Variants in NAV3 observed in about 807,000 individuals in gnomAD.
NAV3 encodes pore membrane and/or filament interacting like protein 1.
In NAV3, 87 loss-of-function variants were observed where a neutral mutation model predicts 244.7. The observed-to-expected ratio is 0.36, with a 90% CI of 0.30 to 0.42. NAV3 has a LOEUF of 0.42. Among genes scored for constraint, NAV3 ranks in the 20% least tolerant of loss-of-function variants. NAV3 has a pLI of 1.00. For missense variants in NAV3, 2,663 were observed against 2,893.3 expected (o/e 0.92, Z 1.83); for synonymous variants, 1,126 against 1,042.2 (o/e 1.08, Z -1.55).
chr12:77,875,924 A>G (rs1276521606), intron 1 of NAV3, among the ~76,000 whole-genome samples: 1 of 152,068 alleles, frequency 6.6e-6, no homozygotes, highest in Non-Finnish European at 1.5e-5. Context: ...AGAAAAATAC[A>G]GCATTTTCAG....
intron 2 of NAV3, among the ~76,000 whole-genome samples, chr12:77,724,011 A>C (rs557709089): frequency 6.6e-6 from 1 of 151,970 alleles, no homozygotes; most frequent in East Asian, 1.9e-4. Flanking sequence ...AATGCCAAAT[A>C]AATTATTACT....
intron 2 of NAV3, among the ~76,000 whole-genome samples, chr12:77,787,075 C>T (rs568405974): frequency 7.2e-5 from 11 of 151,990 alleles, no homozygotes; most frequent in Non-Finnish European, 1.6e-4. Flanking sequence ...GGATAAATGC[C>T]ATGACAGCTG....
At chr12:77,792,349 CT>C (rs1047586957) in intron 2 of NAV3, among the ~76,000 whole-genome samples, 9 of 152,062 alleles carry the variant, frequency 5.9e-5, no homozygotes, top group African/African-American at 2.2e-4. Context: ...AATCCTAAGC[CT>C]TTTTAAAGGT....
intron 2 of NAV3, among the ~76,000 whole-genome samples, chr12:77,587,604 AG>A (rs1272178471): frequency 1.3e-5 from 2 of 152,238 alleles, no homozygotes; most frequent in Non-Finnish European, 2.9e-5. Flanking sequence ...TATATATTAT[AG>A]AAGTTCATTT....
At chr12:77,989,506 A>G (rs558285146) in intron 5 of NAV3, among the ~76,000 whole-genome samples, 98 of 152,302 alleles carry the variant, frequency 6.4e-4, no homozygotes, top group African/African-American at 2.3e-3. Flanking sequence ...TCTTCCAAGG[A>G]GTCCAAGTTC....
intron 7 of NAV3, 112 bp downstream of exon 7, chr12:77,998,588 T>A: frequency 1.7e-6 from 2 of 1,163,534 alleles, no homozygotes; most frequent in Non-Finnish European, 2.3e-6. Context: ...ATGTTATCAG[T>A]GGAGTTTCTT....
chr12:77,703,903 G>A (rs577525265), intron 2 of NAV3, among the ~76,000 whole-genome samples: 4 of 152,248 alleles, frequency 2.6e-5, no homozygotes, highest in Admixed American at 2.0e-4. Context: ...ACCACTGATT[G>A]TGTTTTTAAT....
In NAV3 at chr12:78,199,326, T is replaced by G; in HGVS notation, c.6519-9T>G. On this transcript the variant is annotated splice_polypyrimidine_tract_variant and intron_variant, in intron 36 of 39. Coordinates refer to ENST00000397909, the MANE Select transcript of NAV3 (RefSeq NM_001024383.2). ...ATATAAAAATGTCTGATTTTTTTTC[T>G]TTTTGTAGGTGGGTATTATGTGCAA... The G allele has an allele frequency of 6.4e-7, 1 of 1,573,054 alleles. No individual in the cohort carries two copies.
At chr12:78,193,364 C>T (rs1390795795) in intron 34 of NAV3, among the ~76,000 whole-genome samples, 1 of 152,158 alleles carries the variant, frequency 6.6e-6, no homozygotes, top group Non-Finnish European at 1.5e-5. Flanking sequence ...GTAGAGAATA[C>T]ATGGTCAGCT....
intron 1 of NAV3, among the ~76,000 whole-genome samples, chr12:77,839,308 A>T (rs1274385603): frequency 6.6e-6 from 1 of 152,206 alleles, no homozygotes; most frequent in East Asian, 1.9e-4. Flanking sequence ...CAACAATAAT[A>T]ATTTTCTTCA....
At chr12:77,661,916 GCA>G (rs781309245) in intron 2 of NAV3, among the ~76,000 whole-genome samples, 1 of 151,976 alleles carries the variant, frequency 6.6e-6, no homozygotes, top group Non-Finnish European at 1.5e-5. Context: ...TATAAAAATT[GCA>G]CATTGTCTTT....
rs551273819 is a variant in NAV3 at position 77,961,853 on chromosome 12, CAT to C, written c.415-4372_415-4371del. Among the ~76,000 whole-genome samples, 443 of 151,122 alleles carry C rather than the reference CAT, an allele frequency of 2.9e-3. 3 individuals carry two copies. Among genetic ancestry groups the C allele is most frequent in the African/African-American group, 0.01 (414 of 41,308 alleles). ...ACAAACACACACATGTAATATGTAA[CAT>C]ATACTTTAATATTTAGTTCATGTGT... is the stretch of plus-strand genomic sequence containing the variant. On this transcript the variant is annotated intron_variant, in intron 3 of 39. Transcript: ENST00000397909.
chr12:77,640,687 T>G (rs949435168), intron 2 of NAV3, among the ~76,000 whole-genome samples: 4 of 152,164 alleles, frequency 2.6e-5, no homozygotes, highest in African/African-American at 9.7e-5. Flanking sequence ...GAAAGTAGAT[T>G]TTATGTGCTC....
intron 2 of NAV3, among the ~76,000 whole-genome samples, chr12:77,594,667 C>T (rs564701664): frequency 1.3e-5 from 2 of 152,186 alleles, no homozygotes; most frequent in East Asian, 1.9e-4. Context: ...ACATATGCAC[C>T]GAAGTTAGAA....
chr12:77,778,727 G>C (rs1048900568), intron 2 of NAV3, among the ~76,000 whole-genome samples: 1 of 151,992 alleles, frequency 6.6e-6, no homozygotes. Context: ...TAGTCAAATG[G>C]AAAATTGTCT....
intron 2 of NAV3, among the ~76,000 whole-genome samples, chr12:77,748,402 A>G (rs1868667400): frequency 6.6e-6 from 1 of 152,198 alleles, no homozygotes; most frequent in African/African-American, 2.4e-5. Context: ...CAAGCTTTCA[A>G]GATTATGGAT....
intron 12 of NAV3, among the ~76,000 whole-genome samples, chr12:78,094,026 G>A (rs1190305952): frequency 6.6e-6 from 1 of 152,094 alleles, no homozygotes; most frequent in Non-Finnish European, 1.5e-5. Context: ...TTTTTTTAGA[G>A]ATGAAGTCTC....
chr12:78,015,807 T>C (rs1230984143), intron 8 of NAV3, among the ~76,000 whole-genome samples: 1 of 152,128 alleles, frequency 6.6e-6, no homozygotes, highest in East Asian at 1.9e-4. Context: ...ATGTCAATAA[T>C]TAATGACAAC....
In NAV3 at chr12:78,072,015, C is replaced by A. The variant is rs550659376; in HGVS notation, c.2636+12900C>A. Among the ~76,000 whole-genome samples, 81 of 152,288 alleles carry A rather than the reference C, an allele frequency of 5.3e-4. 1 individual carries two copies. Among genetic ancestry groups the A allele is most frequent in the African/African-American group, 1.9e-3 (78 of 41,554 alleles). ...GAACAAAGACACAACATACCAGAAT[C>A]TCTGGGACGCATTCAAAGCAGTGTG... On this transcript the variant is annotated intron_variant, in intron 12 of 39. Transcript: ENST00000397909.
Sources: allele counts gnomAD v4.1 joint callset (sites outside exome capture counted in the v4.1 genomes callset), GRCh38; gene constraint gnomAD v4.1.1; transcripts MANE v1.5; gene names NCBI Gene and HGNC (gene_info 2026-07-23, HGNC 2026-07-21).